NELL1: variants seen among roughly 807,000 people sequenced by gnomAD.
The protein encoded by NELL1 is neural EGFL like 1.
In NELL1, 76 loss-of-function variants were observed where a neutral mutation model predicts 107.4. That is an observed-to-expected ratio of 0.71 (90% confidence interval 0.59 to 0.86). The LOEUF is 0.86. NELL1 is among the 40% of genes least tolerant of loss of function. NELL1 has a pLI of 0.00. For synonymous variants in NELL1, 353 were observed against 341.2 expected, an observed-to-expected ratio of 1.03 and a Z score of -0.38; for missense variants, 1,024 against 1,005.5, an observed-to-expected ratio of 1.02 and a Z score of -0.25.
At chr11:21,417,948 T>A (rs775708514) in intron 15 of NELL1, among the ~76,000 whole-genome samples, 4 of 152,134 alleles carry the variant, frequency 2.6e-5, no homozygotes, top group Admixed American at 1.3e-4. Context: ...TTCTTCTTTT[T>A]AATCACCATT....
intron 15 of NELL1, among the ~76,000 whole-genome samples, chr11:21,459,156 C>A (rs1188323600): frequency 6.6e-6 from 1 of 151,816 alleles, no homozygotes; most frequent in Non-Finnish European, 1.5e-5. Context: ...ATAGGGTAGT[C>A]ACTGTGGGGA....
intron 15 of NELL1, among the ~76,000 whole-genome samples, chr11:21,378,879 A>G (rs1851546341): frequency 1.3e-5 from 2 of 151,626 alleles, no homozygotes; most frequent in Non-Finnish European, 2.9e-5. Context: ...CACCACACCC[A>G]GCTAATTTTT....
At chr11:21,465,080 G>A (rs1335086970) in intron 15 of NELL1, among the ~76,000 whole-genome samples, 3 of 152,006 alleles carry the variant, frequency 2.0e-5, no homozygotes, top group African/African-American at 4.8e-5. Flanking sequence ...GTGAGTACAC[G>A]AAGGAATACC....
At chr11:21,441,132 CAACACAGAACTGGGGCTATTCTCCAG>C (rs1853271063) in intron 15 of NELL1, among the ~76,000 whole-genome samples, 1 of 152,060 alleles carries the variant, frequency 6.6e-6, no homozygotes, top group African/African-American at 2.4e-5. Context: ...TTTCTGACAC[CAACACAGAACTGGGGCTATTCTCCAG>C]AACACAATTT....
At chr11:20,696,196 A>G (rs931074282) in intron 2 of NELL1, among the ~76,000 whole-genome samples, 5 of 151,860 alleles carry the variant, frequency 3.3e-5, no homozygotes, top group Non-Finnish European at 5.9e-5. Flanking sequence ...CTAGTGCTCT[A>G]TTGATCTTGT....
intron 2 of NELL1, among the ~76,000 whole-genome samples, chr11:20,781,545 C>A (rs1460414326): frequency 6.6e-6 from 1 of 152,122 alleles, no homozygotes; most frequent in Non-Finnish European, 1.5e-5. Context: ...CATTGCTGAT[C>A]GCTTATGGCT....
intron 15 of NELL1, among the ~76,000 whole-genome samples, chr11:21,507,938 GC>G (rs1454731533): frequency 6.6e-6 from 1 of 151,698 alleles, no homozygotes; most frequent in East Asian, 1.9e-4. Flanking sequence ...GCACCACTAC[GC>G]CTGGCTAATT....
chr11:20,932,946 A>G (rs1401876036), intron 9 of NELL1, among the ~76,000 whole-genome samples: 1 of 152,264 alleles, frequency 6.6e-6, no homozygotes, highest in Non-Finnish European at 1.5e-5. Flanking sequence ...GTCATAGGTA[A>G]CAGCTGAGCG....
chr11:21,370,427 G>A (rs998520269), intron 14 of NELL1, among the ~76,000 whole-genome samples: 1 of 151,868 alleles, frequency 6.6e-6, no homozygotes, highest in African/African-American at 2.4e-5. Context: ...CTTTTTTAAA[G>A]AACATAAAAG....
chr11:20,958,312 C>A (rs1325571370), intron 11 of NELL1, among the ~76,000 whole-genome samples: 1 of 151,994 alleles, frequency 6.6e-6, no homozygotes, highest in Non-Finnish European at 1.5e-5. Flanking sequence ...TACTCAGTTG[C>A]CGAGGTGGGA....
At chr11:21,484,139 T>A (rs1008745850) in intron 15 of NELL1, among the ~76,000 whole-genome samples, 8 of 150,214 alleles carry the variant, frequency 5.3e-5, no homozygotes, top group African/African-American at 1.7e-4. Flanking sequence ...CATGCTATAT[T>A]TTTTTGTATA....
intron 14 of NELL1, among the ~76,000 whole-genome samples, chr11:21,353,547 A>G (rs1388117294): frequency 6.6e-6 from 1 of 152,166 alleles, no homozygotes; most frequent in East Asian, 1.9e-4. Context: ...TAGCACAAGA[A>G]CAAGGGCAGC....
chr11:21,327,934 A>C (rs1850182442), intron 14 of NELL1, among the ~76,000 whole-genome samples: 1 of 152,256 alleles, frequency 6.6e-6, no homozygotes, highest in South Asian at 2.1e-4. Flanking sequence ...CTGGGGAAGA[A>C]ATTTCTAAGC....
At chr11:20,957,489 C>A (rs7118327) in intron 11 of NELL1, among the ~76,000 whole-genome samples, 2 of 151,894 alleles carry the variant, frequency 1.3e-5, no homozygotes, top group African/African-American at 4.8e-5. Flanking sequence ...CCAAAAAATA[C>A]GAGCTTACAG....
At chr11:21,329,110 G>A (rs1009292814) in intron 14 of NELL1, among the ~76,000 whole-genome samples, 9 of 152,108 alleles carry the variant, frequency 5.9e-5, no homozygotes, top group African/African-American at 2.2e-4. Context: ...GGGTCCAGAA[G>A]CAGAATGATA....
Position 21,482,646 on chromosome 11 carries a change from T to G in NELL1, c.1646-51728T>G, listed in dbSNP as rs769529622. 3.1e-4 allele frequency among the ~76,000 whole-genome samples: 47 copies of G among 152,206 alleles called. 1 individual carries two copies. The highest frequency in any genetic ancestry group is 6.2e-4 in the Non-Finnish European group (42 of 68,012). Reference sequence around the variant, plus strand: ...TTCCCAGTGGGAACTGGGTGACTTCTGTTTACTAGACACTGAACTCTTTGA... The same window carrying G: ...TTCCCAGTGGGAACTGGGTGACTTCGGTTTACTAGACACTGAACTCTTTGA... On this transcript the variant is annotated intron_variant, in intron 15 of 19. Coordinates refer to ENST00000357134, the MANE Select transcript of NELL1 (RefSeq NM_006157.5).
chr11:21,380,452 C>A (rs1405330037), intron 15 of NELL1, among the ~76,000 whole-genome samples: 1 of 152,000 alleles, frequency 6.6e-6, no homozygotes, highest in African/African-American at 2.4e-5. Context: ...GGAGCTTAAA[C>A]CTGCTAAGAC....
At chr11:21,551,958 T>TA (rs1187934426) in intron 16 of NELL1, among the ~76,000 whole-genome samples, 3 of 143,810 alleles carry the variant, frequency 2.1e-5, no homozygotes, top group African/African-American at 5.1e-5. Context: ...TATGCAGCCA[T>TA]AAAAAATGAT....
chr11:21,455,829 C>A (rs1853713528), intron 15 of NELL1, among the ~76,000 whole-genome samples: 1 of 151,284 alleles, frequency 6.6e-6, no homozygotes, highest in Non-Finnish European at 1.5e-5. Flanking sequence ...TGTTTTTTGA[C>A]CCCCTTTTAC....
Sources: gnomAD v4.1 joint callset for allele counts (sites outside exome capture counted in the v4.1 genomes callset) on GRCh38, gnomAD v4.1.1 for gene constraint, MANE v1.5 for transcripts, NCBI Gene and HGNC (gene_info 2026-07-23, HGNC 2026-07-21) for gene names.